Variants in SGCD observed in about 807,000 individuals in gnomAD.
The protein encoded by SGCD is delta-sarcoglycan.
SGCD carries 18 observed loss-of-function variants against 36.6 expected under a neutral mutation model. That is an observed-to-expected ratio of 0.49 (90% CI 0.34 to 0.73). The LOEUF (loss-of-function observed/expected upper bound fraction) is 0.73. Among genes scored for constraint, SGCD ranks in the 30% least tolerant of loss-of-function variants. SGCD has a pLI of 0.01. For synonymous variants in SGCD, 133 were observed against 130.6 expected (o/e 1.02, Z -0.12); for missense variants, 387 against 346.7 (o/e 1.12, Z -0.92).
chr5:156,425,068 C>T (rs1272708658), intron 3 of SGCD, among the ~76,000 whole-genome samples: 1 of 151,992 alleles, frequency 6.6e-6, no homozygotes, highest in Admixed American at 6.6e-5. Flanking sequence ...GAGAAACTTT[C>T]CAAAATCCAA....
At chr5:155,813,453 A>G in the SGCD span, among the ~76,000 whole-genome samples, 2 of 152,178 alleles carry the variant, frequency 1.3e-5, no homozygotes, top group African/African-American at 4.8e-5. Flanking sequence ...TGCCAGCTAG[A>G]GAATAAAAAC....
chr5:156,177,925 G>A (rs1430201657), intron 3 of SGCD, among the ~76,000 whole-genome samples: 2 of 151,986 alleles, frequency 1.3e-5, no homozygotes, highest in African/African-American at 4.8e-5. Flanking sequence ...TTAATCCATG[G>A]GATTTCATCC....
At chr5:156,646,187 G>A (rs1407811617) in intron 6 of SGCD, among the ~76,000 whole-genome samples, 1 of 152,154 alleles carries the variant, frequency 6.6e-6, no homozygotes, top group African/African-American at 2.4e-5. Flanking sequence ...TGGACAATGG[G>A]AGCTGAGTGA....
the SGCD span, among the ~76,000 whole-genome samples, chr5:155,746,386 C>G: frequency 3.5e-4 from 52 of 149,212 alleles, no homozygotes; most frequent in African/African-American, 1.2e-3. Flanking sequence ...GAGCAAGACC[C>G]TGTCTCAAAA....
At chr5:156,602,113 CAATTT>C (rs1561806828) in intron 6 of SGCD, among the ~76,000 whole-genome samples, 1 of 152,150 alleles carries the variant, frequency 6.6e-6, no homozygotes, top group Non-Finnish European at 1.5e-5. Flanking sequence ...GTGTCCTCTT[CAATTT>C]ATTTCATCAA....
At chr5:156,496,621 C>T (rs1756201222) in intron 3 of SGCD, among the ~76,000 whole-genome samples, 1 of 152,086 alleles carries the variant, frequency 6.6e-6, no homozygotes. Flanking sequence ...CTTGCCCCTC[C>T]CTGCTGGAAG....
chr5:156,342,169 T>C (rs1768692284), intron 2 of SGCD, among the ~76,000 whole-genome samples: 1 of 152,258 alleles, frequency 6.6e-6, no homozygotes, highest in South Asian at 2.1e-4. Context: ...CATCCTCTTA[T>C]AAACATTTAT....
chr5:156,404,600 A>C (rs983195380), intron 3 of SGCD, among the ~76,000 whole-genome samples: 2 of 152,198 alleles, frequency 1.3e-5, no homozygotes, highest in African/African-American at 4.8e-5. Flanking sequence ...CATGTCATAC[A>C]GAGCACCTGA....
chr5:155,753,481 G>A, the SGCD span, among the ~76,000 whole-genome samples: 2 of 152,150 alleles, frequency 1.3e-5, no homozygotes, highest in Non-Finnish European at 2.9e-5. Flanking sequence ...CGGACAATGT[G>A]CTATTTCAGG....
At chr5:155,734,251 G>A in the SGCD span, among the ~76,000 whole-genome samples, 1 of 150,864 alleles carries the variant, frequency 6.6e-6, no homozygotes, top group Non-Finnish European at 1.5e-5. Flanking sequence ...TGTTGCCCAG[G>A]CTGGAGTTCA....
At chr5:156,635,948 A>C (rs570667976) in intron 6 of SGCD, among the ~76,000 whole-genome samples, 10 of 152,248 alleles carry the variant, frequency 6.6e-5, no homozygotes, top group African/African-American at 2.2e-4. Context: ...TGACGAGTTA[A>C]TGGGTGCAGC....
At chr5:156,371,136 A>G (rs1770364854) in intron 3 of SGCD, among the ~76,000 whole-genome samples, 1 of 152,160 alleles carries the variant, frequency 6.6e-6, no homozygotes. Context: ...CTTTCTGCTA[A>G]ATATAGAGAA....
intron 1 of SGCD, among the ~76,000 whole-genome samples, chr5:155,910,416 C>T (rs759045125): frequency 3.2e-4 from 49 of 151,968 alleles, no homozygotes; most frequent in Non-Finnish European, 2.4e-4. Context: ...AATCCAGCAG[C>T]GAGAAGTTAG....
Position 156,061,919 on chromosome 5 carries a change from CTTTTT to C in SGCD, c.-281-55938_-281-55934del, listed in dbSNP as rs757769130. ...TTGGTGATAATTCCAGGAGTTTTCACTTTTTTTTTTTTTTTTTTTTTTTTTATTAT... is the reference window on the plus strand; with the variant it reads ...TTGGTGATAATTCCAGGAGTTTTCACTTTTTTTTTTTTTTTTTTTTATTAT... On this transcript the variant is annotated intron_variant, in intron 1 of 9. Coordinates refer to the SGCD transcript ENST00000517913. Among the ~76,000 whole-genome samples the C allele has an allele frequency of 9.8e-5, 7 of 71,762 alleles. 1 individual carries two copies. The highest frequency in any genetic ancestry group is 3.6e-4 in the East Asian group (1 of 2,784). 47.1% of individuals were successfully genotyped at this position (71,762 alleles called of 152,430 possible).
the SGCD span, among the ~76,000 whole-genome samples, chr5:155,744,962 A>T: frequency 6.6e-6 from 1 of 152,242 alleles, no homozygotes; most frequent in Non-Finnish European, 1.5e-5. Flanking sequence ...AACCACAAAG[A>T]GGAGGTCTTA....
At chr5:156,168,511 G>C (rs577346673) in intron 3 of SGCD, among the ~76,000 whole-genome samples, 10 of 152,132 alleles carry the variant, frequency 6.6e-5, no homozygotes, top group Non-Finnish European at 1.0e-4. Context: ...GCAGGTCAAG[G>C]TTACAGTGAG....
At chr5:156,578,385 A>T (rs1209871191) in intron 4 of SGCD, among the ~76,000 whole-genome samples, 1 of 151,860 alleles carries the variant, frequency 6.6e-6, no homozygotes, top group Non-Finnish European at 1.5e-5. Context: ...TTTTTTTTGT[A>T]GTGTCTCTGC....
At chr5:156,143,030 G>A (rs1377881929) in intron 3 of SGCD, among the ~76,000 whole-genome samples, 1 of 152,194 alleles carries the variant, frequency 6.6e-6, no homozygotes, top group Non-Finnish European at 1.5e-5. Flanking sequence ...CCCATCACAG[G>A]CCCAGAGGCT....
intron 1 of SGCD, among the ~76,000 whole-genome samples, chr5:155,878,457 A>G (rs966992389): frequency 6.6e-6 from 1 of 152,056 alleles, no homozygotes; most frequent in Non-Finnish European, 1.5e-5. Context: ...TTTATTTAGA[A>G]TGGGAAGACA....
Sources: gnomAD v4.1 joint callset for allele counts (sites outside exome capture counted in the v4.1 genomes callset) on GRCh38, gnomAD v4.1.1 for gene constraint, MANE v1.5 for transcripts, NCBI Gene and HGNC (gene_info 2026-07-23, HGNC 2026-07-21) for gene names.